The following MAPK10 variants were observed in gnomAD, a reference collection of about 807,000 sequenced individuals.
MAPK10 encodes JNK3 alpha protein kinase.
A neutral mutation model predicts 59.3 loss-of-function variants in MAPK10; 25 were observed. The observed-to-expected ratio is 0.42, with a 90% CI of 0.31 to 0.59. The LOEUF (loss-of-function observed/expected upper bound fraction) is 0.59. MAPK10 is among the 20% of genes least tolerant of loss of function. MAPK10 has a pLI of 0.15. For missense variants in MAPK10, 351 were observed against 568.9 expected (o/e 0.62, Z 3.90); for synonymous variants, 190 against 200.5 (o/e 0.95, Z 0.44).
intron 1 of MAPK10, among the ~76,000 whole-genome samples, chr4:86,444,643 T>C (rs1039921547): frequency 6.6e-6 from 1 of 151,060 alleles, no homozygotes; most frequent in Non-Finnish European, 1.5e-5. Context: ...ACCTACAGAG[T>C]GGGATAAATA....
chr4:86,107,056 T>G, intron 5 of MAPK10, 167 bp downstream of exon 5: 1 of 486,166 alleles, frequency 2.1e-6, no homozygotes, highest in South Asian at 3.6e-5. Context: ...AGCAGAAAGC[T>G]ACCATGAGGA....
At chr4:86,522,263 T>C (rs887610656) in intron 1 of MAPK10, among the ~76,000 whole-genome samples, 12 of 152,276 alleles carry the variant, frequency 7.9e-5, no homozygotes, top group Admixed American at 3.3e-4. Context: ...TGAAAGTAGG[T>C]GTCAAGAATG....
At chr4:86,298,396 T>C (rs1176411786) in intron 2 of MAPK10, among the ~76,000 whole-genome samples, 2 of 152,188 alleles carry the variant, frequency 1.3e-5, no homozygotes, top group Non-Finnish European at 2.9e-5. Flanking sequence ...TTCTATTATT[T>C]TTAAATAAAC....
chr4:86,540,749 G>A (rs141129053), intron 1 of MAPK10, among the ~76,000 whole-genome samples: 3 of 146,896 alleles, frequency 2.0e-5, no homozygotes, highest in Middle Eastern at 7.0e-3. Flanking sequence ...AAAGTCAGAT[G>A]TAGGAAAAGT....
At position 86,592,248 on chromosome 4, in the gene MAPK10, G is replaced by C. The variant is rs141085526; in HGVS notation, c.-263+1662C>G. On this transcript the variant is annotated intron_variant, in intron 1 of 4. Coordinates refer to the MAPK10 transcript ENST00000502302. ...AATTTAACCTGTAGATTTCCCTTGT[G>C]TGTACTTTTTAACAGATTGTATTTT... 3.3e-3 allele frequency among the ~76,000 whole-genome samples: 498 copies of C among 152,016 alleles called. 1 individual carries two copies. Among genetic ancestry groups the C allele is most frequent in the African/African-American group, 0.012 (482 of 41,500 alleles).
chr4:86,327,496 T>C (rs527426011), intron 2 of MAPK10: 4 of 151,562 alleles, frequency 2.6e-5, no homozygotes, highest in African/African-American at 4.8e-5. Context: ...AGCCAACACT[T>C]CCCCCAGAAT....
chr4:86,150,599 C>A (rs1463450665), intron 4 of MAPK10, among the ~76,000 whole-genome samples: 1 of 152,172 alleles, frequency 6.6e-6, no homozygotes, highest in Non-Finnish European at 1.5e-5. Flanking sequence ...CGGTGGCTCA[C>A]GCCTGTAATC....
At chr4:86,185,169 C>A (rs2077890059) in intron 3 of MAPK10, among the ~76,000 whole-genome samples, 1 of 152,078 alleles carries the variant, frequency 6.6e-6, no homozygotes, top group Admixed American at 6.6e-5. Flanking sequence ...CCCAGCAGGA[C>A]ACTGAAAAAA....
At chr4:86,255,242 G>T in intron 2 of MAPK10, among the ~76,000 whole-genome samples, 1 of 152,104 alleles carries the variant, frequency 6.6e-6, no homozygotes, top group Non-Finnish European at 1.5e-5. Flanking sequence ...TTCACGGTGG[G>T]TTCTAAAATA....
intron 4 of MAPK10, among the ~76,000 whole-genome samples, chr4:86,139,928 A>C (rs1346209584): frequency 6.7e-6 from 1 of 148,224 alleles, no homozygotes. Context: ...AGACACATGA[A>C]AAAATGCTCA....
intron 1 of MAPK10, among the ~76,000 whole-genome samples, chr4:86,375,197 C>A (rs907261337): frequency 2.6e-5 from 4 of 152,144 alleles, no homozygotes; most frequent in African/African-American, 4.8e-5. Context: ...CACACACATA[C>A]ACACACATAT....
upstream of MAPK10, chr4:86,360,294 G>GC (rs1206753056): frequency 1.6e-6 from 1 of 644,096 alleles, no homozygotes; most frequent in Non-Finnish European, 1.9e-6. Context: ...CATCAAGGCA[G>GC]CCAGCCTGCA....
intron 2 of MAPK10, among the ~76,000 whole-genome samples, chr4:86,342,761 T>C (rs915100811): frequency 1.3e-5 from 2 of 152,176 alleles, no homozygotes; most frequent in African/African-American, 4.8e-5. Context: ...TCTGAGACAT[T>C]GGGGCCTTCT....
At chr4:86,352,767 A>G (rs1389777109) in intron 2 of MAPK10, among the ~76,000 whole-genome samples, 3 of 152,156 alleles carry the variant, frequency 2.0e-5, no homozygotes, top group Non-Finnish European at 4.4e-5. Flanking sequence ...ACACTCTTCT[A>G]TGCGTATGGT....
At chr4:86,387,239 TA>T (rs1741584874) in intron 1 of MAPK10, among the ~76,000 whole-genome samples, 2 of 152,158 alleles carry the variant, frequency 1.3e-5, no homozygotes, top group Admixed American at 1.3e-4. Context: ...TTGTCTCAGA[TA>T]GGGAGGATGT....
At position 86,370,814 on chromosome 4, in the gene MAPK10, A is replaced by C. The variant is rs553965118; in HGVS notation, c.-121-16170T>G. ...TGTTGGGCAGATAGTGGCTCTGTCG[A>C]CATGTTTCTTCATCTACAATGTATC... On this transcript the variant is annotated intron_variant, in intron 1 of 13. Transcript: ENST00000361569. The C allele has an allele frequency of 3.3e-5, 5 of 152,198 alleles. 1 individual carries two copies. The highest frequency in any genetic ancestry group is 4.1e-4 in the South Asian group (2 of 4,830). The allele number at this position is 152,198 out of a possible 1,614,324, so 9.4% of individuals were successfully genotyped here. A position where few individuals can be genotyped will look rare whatever the true frequency, so the allele number is the denominator to read the frequency against.
chr4:86,439,296 C>G (rs1749144282), intron 1 of MAPK10, among the ~76,000 whole-genome samples: 1 of 152,144 alleles, frequency 6.6e-6, no homozygotes, highest in East Asian at 1.9e-4. Context: ...CAGCCTCTGG[C>G]AAACATTAAT....
rs550155683 is a variant in MAPK10, at chr4:86,344,436, C to T, written c.-7+10094G>A. ...CTGCTCTCAACTTCTATCAAAGAAA[C>T]TATCCTACTGTGTGGGATTTATTCA... On this transcript the variant is annotated intron_variant, in intron 2 of 13. Transcript: ENST00000641462. 1.6e-4 allele frequency among the ~76,000 whole-genome samples: 25 copies of T among 152,310 alleles called. No individual in the cohort carries two copies. In the South Asian group the frequency reaches 5.2e-3, roughly 32 times the overall value.
chr4:86,504,714 A>G (rs1039451254), intron 1 of MAPK10, among the ~76,000 whole-genome samples: 83 of 152,112 alleles, frequency 5.5e-4, no homozygotes, highest in African/African-American at 2.0e-3. Context: ...TTTCCACCCC[A>G]TCCTCCAATT....
Sources: allele counts gnomAD v4.1 joint callset (sites outside exome capture counted in the v4.1 genomes callset), GRCh38; gene constraint gnomAD v4.1.1; transcripts MANE v1.5; gene names NCBI Gene and HGNC (gene_info 2026-07-23, HGNC 2026-07-21).